The following RIMS2 variants were observed in gnomAD, a reference collection of about 807,000 sequenced individuals.
RIMS2 encodes the protein regulating synaptic membrane exocytosis 2, also known as regulating synaptic membrane exocytosis protein 2.
A neutral mutation model predicts 174.4 loss-of-function variants in RIMS2; 59 were observed. The observed-to-expected ratio is 0.34, with a 90% CI of 0.27 to 0.42. The LOEUF (loss-of-function observed/expected upper bound fraction) is 0.42, where lower values mean the gene tolerates loss of function less well. RIMS2 is among the 10% of genes least tolerant of loss of function. The pLI is 1.00. For synonymous variants in RIMS2, 606 were observed against 572.5 expected, an observed-to-expected ratio of 1.06 and a Z score of -0.84; for missense variants, 1,620 against 1,666.3, an observed-to-expected ratio of 0.97 and a Z score of 0.48.
At chr8:103,673,487 GC>G (rs2096771197) in intron 1 of RIMS2, among the ~76,000 whole-genome samples, 1 of 152,218 alleles carries the variant, frequency 6.6e-6, no homozygotes. Flanking sequence ...CTGTGTGCCT[GC>G]AATCTTAATA....
chr8:103,614,093 C>T (rs1184423882), intron 1 of RIMS2, among the ~76,000 whole-genome samples: 1 of 152,236 alleles, frequency 6.6e-6, no homozygotes, highest in Non-Finnish European at 1.5e-5. Context: ...GAGCCCATCC[C>T]AGCACTAGAA....
At chr8:103,636,719 T>C (rs2096082855) in intron 1 of RIMS2, among the ~76,000 whole-genome samples, 1 of 151,738 alleles carries the variant, frequency 6.6e-6, no homozygotes. Flanking sequence ...TTGAGAGCCA[T>C]GCGTACTAGC....
intron 19 of RIMS2, among the ~76,000 whole-genome samples, chr8:104,051,707 A>T (rs373453993): frequency 6.6e-6 from 1 of 152,146 alleles, no homozygotes; most frequent in Non-Finnish European, 1.5e-5. Context: ...TTTCATGACA[A>T]TATTTTTGAT....
chr8:103,985,037 G>T (rs1318393945), intron 16 of RIMS2, among the ~76,000 whole-genome samples: 3 of 152,166 alleles, frequency 2.0e-5, no homozygotes, highest in Non-Finnish European at 4.4e-5. Flanking sequence ...ACCAGAGGCT[G>T]GGATGGGTCG....
intron 3 of RIMS2, among the ~76,000 whole-genome samples, chr8:103,823,520 G>A (rs1051531789): frequency 6.6e-6 from 1 of 151,706 alleles, no homozygotes; most frequent in Non-Finnish European, 1.5e-5. Context: ...TAGTTTAAGC[G>A]GATTCTTTTC....
At chr8:104,196,897 C>T (rs779257296) in intron 19 of RIMS2, among the ~76,000 whole-genome samples, 1 of 152,086 alleles carries the variant, frequency 6.6e-6, no homozygotes, top group Non-Finnish European at 1.5e-5. Context: ...AGTTTATAAA[C>T]TTCTATCCCA....
intron 1 of RIMS2, among the ~76,000 whole-genome samples, chr8:103,532,169 C>T (rs1837488358): frequency 6.6e-6 from 1 of 152,148 alleles, no homozygotes; most frequent in Non-Finnish European, 1.5e-5. Context: ...CTTCATTGTA[C>T]ACAAATATGA....
chr8:104,043,216 A>T (rs747291141), intron 19 of RIMS2, among the ~76,000 whole-genome samples: 1 of 151,500 alleles, frequency 6.6e-6, no homozygotes, highest in East Asian at 1.9e-4. Flanking sequence ...AAATGAAGGT[A>T]GTTAATATAA....
At chr8:103,968,981 A>G (rs1375258233) in intron 15 of RIMS2, among the ~76,000 whole-genome samples, 2 of 152,074 alleles carry the variant, frequency 1.3e-5, no homozygotes, top group East Asian at 3.9e-4. Context: ...CACAGGTCCT[A>G]GGATTCTAGG....
chr8:104,062,296 C>T (rs200252044), intron 19 of RIMS2, among the ~76,000 whole-genome samples: 2 of 151,912 alleles, frequency 1.3e-5, no homozygotes, highest in African/African-American at 4.8e-5. Context: ...CCCAGCTACT[C>T]GGTAGGCTGA....
At chr8:104,007,141 C>T (rs2095613469) in intron 17 of RIMS2, among the ~76,000 whole-genome samples, 1 of 152,088 alleles carries the variant, frequency 6.6e-6, no homozygotes, top group Admixed American at 6.6e-5. Context: ...GAGATTCCTT[C>T]TATCACTAAC....
chr8:104,169,341 A>C (rs7459553), intron 19 of RIMS2, among the ~76,000 whole-genome samples: 1 of 33,756 alleles, frequency 3.0e-5, no homozygotes, highest in African/African-American at 9.9e-5. Flanking sequence ...TATATATATA[A>C]AACAGATTCA....
At chr8:103,666,658 A>G (rs77724845) in intron 1 of RIMS2, among the ~76,000 whole-genome samples, 4,734 of 152,196 alleles carry the variant, frequency 0.031, 223 homozygotes, top group African/African-American at 0.11. Flanking sequence ...TTTCAATTTG[A>G]TTATGTTGCA....
At chr8:103,562,159 T>A (rs2091689309) in intron 1 of RIMS2, among the ~76,000 whole-genome samples, 2 of 152,182 alleles carry the variant, frequency 1.3e-5, no homozygotes, top group African/African-American at 4.8e-5. Context: ...GTCTTCACAT[T>A]TCAAAACCAG....
intron 1 of RIMS2, among the ~76,000 whole-genome samples, chr8:103,634,857 T>C (rs188993145): frequency 6.6e-6 from 1 of 152,152 alleles, no homozygotes; most frequent in Non-Finnish European, 1.5e-5. Flanking sequence ...TTTTTTTCTG[T>C]TTTTCATTTG....
intron 19 of RIMS2, among the ~76,000 whole-genome samples, chr8:104,145,674 T>TAAATAAAC (rs2098631174): frequency 1.4e-5 from 2 of 141,732 alleles, no homozygotes; most frequent in Admixed American, 1.4e-4. Context: ...AAAAATACAA[T>TAAATAAAC]AAATAAATAA....
intron 19 of RIMS2, among the ~76,000 whole-genome samples, chr8:104,174,207 A>G (rs144015963): frequency 1.3e-5 from 2 of 152,142 alleles, no homozygotes; most frequent in Non-Finnish European, 2.9e-5. Flanking sequence ...TCAGCCTCCC[A>G]AAGTGCAGGG....
intron 19 of RIMS2, among the ~76,000 whole-genome samples, chr8:104,236,531 A>G (rs1243882184): frequency 6.6e-6 from 1 of 152,118 alleles, no homozygotes; most frequent in Admixed American, 6.6e-5. Context: ...TTAATATAGT[A>G]TTGATAACTT....
At chr8:103,740,692 G>T (rs1434671424) in intron 2 of RIMS2, among the ~76,000 whole-genome samples, 2 of 152,112 alleles carry the variant, frequency 1.3e-5, no homozygotes, top group African/African-American at 4.8e-5. Flanking sequence ...TGTTTAAGTG[G>T]TTGCAAAGGG....
Sources: gnomAD v4.1 joint callset for allele counts (sites outside exome capture counted in the v4.1 genomes callset) on GRCh38, gnomAD v4.1.1 for gene constraint, MANE v1.5 for transcripts, NCBI Gene and HGNC (gene_info 2026-07-23, HGNC 2026-07-21) for gene names.